The following TYRO3 variants were observed in gnomAD, a reference collection of about 807,000 sequenced individuals.
TYRO3 encodes the protein tyrosine-protein kinase receptor TYRO3.
A neutral mutation model predicts 95.2 loss-of-function variants in TYRO3; 38 were observed. That is an observed-to-expected ratio of 0.40 (90% CI 0.31 to 0.52). The LOEUF (loss-of-function observed/expected upper bound fraction) is 0.52. Ranked by LOEUF, TYRO3 falls within the 20% of genes least tolerant of loss-of-function variation. The pLI is 0.56. For synonymous variants in TYRO3, 367 were observed against 432.9 expected, an observed-to-expected ratio of 0.85 and a Z score of 1.89; for missense variants, 812 against 1,116.4, an observed-to-expected ratio of 0.73 and a Z score of 3.89.
At position 41,562,703 on chromosome 15, in the gene TYRO3, G is replaced by C; in HGVS notation, c.565G>C (p.Val189Leu). 1 of 1,613,028 alleles carries C rather than the reference G, an allele frequency of 6.2e-7. No homozygotes were observed. Among genetic ancestry groups the C allele is most frequent in the Non-Finnish European group, 8.5e-7 (1 of 1,179,530 alleles). The change falls in exon 4 of 19, where the codon GTT becomes CTT. Residue 189 changes from valine to leucine, a missense_variant. By Grantham distance (32) the Val-to-Leu change is conservative. Transcript: ENST00000263798. Reference sequence around the variant, plus strand: ...CGGGGGACCCGCTCCCTCTCCATCTGTTTTAAATGTAACAGGTGAGCAGCC... The same window carrying C: ...CGGGGGACCCGCTCCCTCTCCATCTCTTTTAAATGTAACAGGTGAGCAGCC... Reference protein sequence around the residue: ...KIGGPAPSPSVLNVTGVTQST... With the variant: ...KIGGPAPSPSLLNVTGVTQST...
Position 41,578,536 on chromosome 15 carries a change from G to A in TYRO3, c.*260G>A. On this transcript the variant is annotated 3_prime_UTR_variant, in exon 19 of 19. Coordinates refer to ENST00000263798, the MANE Select transcript of TYRO3 (RefSeq NM_006293.4). Reference sequence around the variant, plus strand: ...AGTCCTGGTTGTCTGAACCCAGGCAGCTGGCAGGAGTGGGGTGGTTATGTT... The same window carrying A: ...AGTCCTGGTTGTCTGAACCCAGGCAACTGGCAGGAGTGGGGTGGTTATGTT... 1.8e-6 allele frequency: 1 copy of A among 552,374 alleles called. No individual in the cohort carries two copies. Among genetic ancestry groups the A allele is most frequent in the East Asian group, 3.4e-5 (1 of 29,798 alleles). 34.2% of individuals were successfully genotyped at this position (552,374 alleles called of 1,614,324 possible).
intron 5 of TYRO3, 132 bp downstream of exon 5, chr15:41,564,402 T>C (rs1449506171): frequency 2.4e-6 from 2 of 834,412 alleles, no homozygotes; most frequent in East Asian, 5.3e-5. Flanking sequence ...AAGGGGTTAA[T>C]TGGCATAGCT....
In TYRO3 at chr15:41,568,205, C is replaced by G. The variant is rs1481884996; in HGVS notation, c.962-12C>G. On this transcript the variant is annotated splice_polypyrimidine_tract_variant and intron_variant, in intron 7 of 18. Transcript: ENST00000263798. ...GGCAGGGGTCTTAGCAATCTTCTCT[C>G]TTTGGCTGCAGCCCCAGCCAGCGCT... 1 of 1,611,756 alleles carries G rather than the reference C, an allele frequency of 6.2e-7. No homozygotes were observed.
At position 41,582,997 on chromosome 15, in the gene TYRO3, G is replaced by GATTTTTTTTTTTTTT. The variant is rs2055937353; in HGVS notation, c.*4721_*4722insATTTTTTTTTTTTTT. The stretch of plus-strand genomic sequence containing the variant: ...CACTGCACCTGGCAAATTTTTAAGT[G>GATTTTTTTTTTTTTT]TTTTTTTTTTTTTTTAATACAGAGC... On this transcript the variant is annotated 3_prime_UTR_variant, in exon 19 of 19. Coordinates refer to ENST00000263798, the MANE Select transcript of TYRO3 (RefSeq NM_006293.4). The GATTTTTTTTTTTTTT allele has an allele frequency of 9.4e-6, 1 of 106,110 alleles. No individual in the cohort carries two copies. Among genetic ancestry groups the GATTTTTTTTTTTTTT allele is most frequent in the African/African-American group, 3.6e-5 (1 of 27,930 alleles). The allele number at this position is 106,110 out of a possible 1,614,324, so 6.6% of individuals were successfully genotyped here. A position where few individuals can be genotyped will look rare whatever the true frequency, so the allele number is the denominator to read the frequency against.
intron 12 of TYRO3, 141 bp from the exon 13 acceptor site, chr15:41,570,891 ATGCTCT>A: frequency 1.0e-6 from 1 of 962,738 alleles, no homozygotes; most frequent in South Asian, 1.5e-5. Context: ...TGCTCCCAGC[ATGCTCT>A]TGCTTTGGCT....
At chr15:41,566,872 T>A (rs1237683252) in intron 6 of TYRO3, among the ~76,000 whole-genome samples, 1 of 152,226 alleles carries the variant, frequency 6.6e-6, no homozygotes, top group Non-Finnish European at 1.5e-5. Context: ...AGACATATAG[T>A]ACGTGGATCT....
chr15:41,575,775 G>C (rs1053618656), intron 18 of TYRO3, among the ~76,000 whole-genome samples: 8 of 152,188 alleles, frequency 5.3e-5, no homozygotes, highest in African/African-American at 1.9e-4. Flanking sequence ...GGCATCCTGA[G>C]TGATAGGCTT....
Position 41,561,456 on chromosome 15 carries a change from GGGGCAGGC to G in TYRO3, c.309-82_309-75del, listed in dbSNP as rs2055654392. ...CTACCTGTGGGACCTTCCAGAAGTG[GGGGCAGGC>G]TGAACTCATCAAGTTTGCCCAGCAG... On this transcript the variant is annotated intron_variant, in intron 2 of 18. Coordinates refer to ENST00000263798, the MANE Select transcript of TYRO3 (RefSeq NM_006293.4). 3.4e-5 allele frequency: 45 copies of G among 1,342,522 alleles called. No homozygotes were observed. The Middle Eastern group carries it at 5.9e-4, about 18-fold the overall frequency. The allele number at this position is 1,342,522 out of a possible 1,614,324, so 83.2% of individuals were successfully genotyped here.
Position 41,578,222 on chromosome 15 carries a change from G to T in TYRO3, c.2619G>T (p.Glu873Asp). The part of the protein sequence containing the change: ...AEHQPESPLN[E>D]TQRLLLLQQG... ...ACCAGCCAGAGAGTCCCCTCAATGA[G>T]ACACAGAGGCTTTTGCTGCTGCAGC... The change falls in exon 19 of 19, where the codon GAG becomes GAT. Residue 873 changes from glutamate (E) to aspartate (D), a missense_variant. By Grantham distance (45) the Glu-to-Asp change is conservative. Coordinates refer to ENST00000263798, the MANE Select transcript of TYRO3 (RefSeq NM_006293.4). The T allele has an allele frequency of 6.2e-7, 1 of 1,613,790 alleles. No individual in the cohort carries two copies. The highest frequency in any genetic ancestry group is 1.7e-5 in the Admixed American group (1 of 60,032).
intron 14 of TYRO3, among the ~76,000 whole-genome samples, chr15:41,571,996 TAA>T (rs111436611): frequency 7.0e-6 from 1 of 143,476 alleles, no homozygotes. Flanking sequence ...CACCTCTATT[TAA>T]AAAAAAAAAA....
rs1213884658 is a variant in TYRO3 at position 41,567,371 on chromosome 15, C to A, written c.795C>A (p.Ala265=). ...CTGCTTTTCTGTAGGTGACACAGGC[C>A]CCAGGAGGCTGGGAAGTCCTGGCTG... ...LQSCTVQVTQ[A]PGGWEVLAVV... The change falls in exon 7 of 19, where the codon GCC becomes GCA. Residue 265 remains alanine (A), a synonymous_variant. Coordinates refer to ENST00000263798, the MANE Select transcript of TYRO3 (RefSeq NM_006293.4). The A allele has an allele frequency of 6.4e-7, 1 of 1,568,310 alleles. No individual in the cohort carries two copies. The highest frequency in any genetic ancestry group is 8.6e-7 in the Non-Finnish European group (1 of 1,163,038).
At chr15:41,565,571 C>T (rs962267681) in intron 6 of TYRO3, among the ~76,000 whole-genome samples, 5 of 146,524 alleles carry the variant, frequency 3.4e-5, no homozygotes, top group South Asian at 2.2e-4. Context: ...TGCACCACCA[C>T]GCCCAGCTAA....
chr15:41,572,408 T>A lies in TYRO3; in HGVS notation c.1754-35T>A, dbSNP rs749044607. On this transcript the variant is annotated intron_variant, in intron 14 of 18. Transcript: ENST00000263798. ...AGACACCTGAACTGCCCCTTGACCCTTCTATGCTCAGCTCCTGACTCTCCC... is the reference window on the plus strand; with the variant it reads ...AGACACCTGAACTGCCCCTTGACCCATCTATGCTCAGCTCCTGACTCTCCC... The A allele has an allele frequency of 1.8e-5, 27 of 1,466,770 alleles. No homozygotes were observed. The Admixed American group carries it at 4.9e-4, about 27-fold the overall frequency. The allele number at this position is 1,466,770 out of a possible 1,614,324, so 90.9% of individuals were successfully genotyped here.
At chr15:41,570,782 G>T in intron 12 of TYRO3, 83 bp downstream of exon 12, 1 of 1,394,102 alleles carries the variant, frequency 7.2e-7, no homozygotes, top group Non-Finnish European at 1.0e-6. Flanking sequence ...TTGAGGCTGT[G>T]GGTTTGGGTC....
In TYRO3 at chr15:41,567,674, A is replaced by G. The variant is rs1390061508; in HGVS notation, c.961+137A>G. 8 of 694,658 alleles carry G rather than the reference A, an allele frequency of 1.2e-5. No individual in the cohort carries two copies. In the East Asian group the frequency reaches 2.2e-4, roughly 19 times the overall value. 43.0% of individuals were successfully genotyped at this position (694,658 alleles called of 1,614,324 possible). On this transcript the variant is annotated intron_variant, in intron 7 of 18. Coordinates refer to ENST00000263798, the MANE Select transcript of TYRO3 (RefSeq NM_006293.4). ...GCAAACATTTACTGCATATAACTAC[A>G]TACCACCTTGTAAGTAGTTCTTGTA...
Position 41,561,317 on chromosome 15 carries a change from G to A in TYRO3, c.308+7G>A. The stretch of plus-strand genomic sequence containing the variant: ...ACTGGATCGGCTTCCTCAGGTGCAG[G>A]CCTGTGGGGGAAGGTGTGGGCTGCC... On this transcript the variant is annotated splice_region_variant and intron_variant, in intron 2 of 18. Coordinates refer to ENST00000263798, the MANE Select transcript of TYRO3 (RefSeq NM_006293.4). 1 of 1,605,736 alleles carries A rather than the reference G, an allele frequency of 6.2e-7. No individual in the cohort carries two copies. Among genetic ancestry groups the A allele is most frequent in the Admixed American group, 1.7e-5 (1 of 59,572 alleles).
At chr15:41,565,420 T>TC (rs1297853610) in intron 6 of TYRO3, among the ~76,000 whole-genome samples, 2 of 151,868 alleles carry the variant, frequency 1.3e-5, no homozygotes, top group African/African-American at 4.8e-5. Context: ...TTTCTTTCTT[T>TC]TTTTTTTTGA....
At chr15:41,564,681 G>A (rs1247564810) in intron 5 of TYRO3, 3 of 379,836 alleles carry the variant, frequency 7.9e-6, no homozygotes, top group African/African-American at 2.0e-5. Flanking sequence ...GTGTCTGCAG[G>A]AGCCAGGCTG....
chr15:41,561,368 C>T (rs556257429), intron 2 of TYRO3, 58 bp downstream of exon 2: 3 of 1,454,804 alleles, frequency 2.1e-6, no homozygotes, highest in Non-Finnish European at 2.8e-6. Context: ...TATGCTCTTT[C>T]CTTGGGGATT....
Sources: allele counts gnomAD v4.1 joint callset (sites outside exome capture counted in the v4.1 genomes callset), GRCh38; gene constraint gnomAD v4.1.1; transcripts MANE v1.5; gene names NCBI Gene and HGNC (gene_info 2026-07-23, HGNC 2026-07-21).